SARM1: variants seen among roughly 807,000 people sequenced by gnomAD.
SARM1 encodes the protein NAD(+) hydrolase SARM1.
Under a neutral mutation model 65.1 loss-of-function variants are expected in SARM1, and 60 were observed. That is an observed-to-expected ratio of 0.92 (90% CI 0.75 to 1.14). SARM1 has a LOEUF of 1.14. Among genes scored for constraint, SARM1 ranks in the 50% most tolerant of loss-of-function variants. The pLI is 0.00. For missense variants in SARM1, 913 were observed against 1,015.7 expected (o/e 0.90, Z 1.37); for synonymous variants, 417 against 465.4 (o/e 0.90, Z 1.34).
At chr17:28,394,581 G>A (rs1237590953) in intron 7 of SARM1, among the ~76,000 whole-genome samples, 4 of 152,156 alleles carry the variant, frequency 2.6e-5, no homozygotes, top group African/African-American at 7.2e-5. Flanking sequence ...CTACAAATTC[G>A]GGGGTGCCCA....
rs542242144 is a variant in SARM1 at position 28,384,604 on chromosome 17, G to A, written c.1302+35G>A. On this transcript the variant is annotated intron_variant, in intron 3 of 8. Transcript: ENST00000585482. This position sits in a 1 kb window ranked among gnomAD's most constrained non-coding sequence, Gnocchi z 4.4. Reference sequence around the variant, plus strand: ...CGTGGGATACGCCTCCCCCGAGTCAGAGCGGGCGCCCTGTGCACAGGGACT... The same window carrying A: ...CGTGGGATACGCCTCCCCCGAGTCAAAGCGGGCGCCCTGTGCACAGGGACT... 2.6e-6 allele frequency: 4 copies of A among 1,536,200 alleles called. No homozygotes were observed. The South Asian group carries it at 4.8e-5, about 19-fold the overall frequency.
chr17:28,394,658 A>G (rs1307853718), intron 7 of SARM1: 1 of 152,246 alleles, frequency 6.6e-6, no homozygotes, highest in Non-Finnish European at 1.5e-5. Context: ...ACTTACTATT[A>G]GTTGTTTATT....
intron 7 of SARM1, among the ~76,000 whole-genome samples, chr17:28,393,656 T>C (rs2068093037): frequency 6.6e-6 from 1 of 152,200 alleles, no homozygotes; most frequent in Non-Finnish European, 1.5e-5. Context: ...AGAGACTCAG[T>C]GCAAACCCCG....
chr17:28,382,359 A>G (rs1555585406), intron 2 of SARM1, among the ~76,000 whole-genome samples: 1 of 152,172 alleles, frequency 6.6e-6, no homozygotes, highest in African/African-American at 2.4e-5. Context: ...CTTCTGCAGG[A>G]CATATGGAGT....
rs2068140176 is a variant in SARM1, at chr17:28,397,416, C to T, written c.*1130C>T. ...GCACGAAGCCCTCACAAATCTTTGC[C>T]ATTTCCCAAACACTCCGCTCCATGG... On this transcript the variant is annotated 3_prime_UTR_variant, in exon 9 of 9. Transcript: ENST00000585482. 1 of 152,178 alleles carries T rather than the reference C, an allele frequency of 6.6e-6. No homozygotes were observed. The highest frequency in any genetic ancestry group is 6.6e-5 in the Admixed American group (1 of 15,258). 9.4% of individuals were successfully genotyped at this position (152,178 alleles called of 1,614,324 possible). A position where few individuals can be genotyped will look rare whatever the true frequency, so the allele number is the denominator to read the frequency against.
rs1393544170 is a variant in SARM1 at position 28,402,058 on chromosome 17, G to T, written c.*5772G>T. The T allele has an allele frequency of 1.1e-5, 6 of 547,608 alleles. No individual in the cohort carries two copies. Among genetic ancestry groups the T allele is most frequent in the Admixed American group, 3.1e-5 (1 of 32,264 alleles). 33.9% of individuals were successfully genotyped at this position (547,608 alleles called of 1,614,324 possible). ...CCAACTCTGCGGTTTGAAAATCCAA[G>T]GTGGCATGATCCTCTGCCCATTGTG... On this transcript the variant is annotated 3_prime_UTR_variant, in exon 9 of 9. Transcript: ENST00000585482.
intron 2 of SARM1, among the ~76,000 whole-genome samples, chr17:28,382,560 G>T (rs1417022382): frequency 6.6e-6 from 1 of 152,152 alleles, no homozygotes; most frequent in Non-Finnish European, 1.5e-5. Flanking sequence ...AGTGACCTTT[G>T]CCCACTGCTT....
Position 28,381,208 on chromosome 17 carries a change from G to A in SARM1, c.476G>A (p.Arg159His), listed in dbSNP as rs538784770. 3.1e-6 allele frequency: 5 copies of A among 1,596,546 alleles called. No individual in the cohort carries two copies. Among genetic ancestry groups the A allele is most frequent in the African/African-American group, 1.3e-5 (1 of 74,356 alleles). ...CTTCCACTTTCACTGGGCAGAGACC[G>A]CGTGGCGCGCATTGGGCTGGGCGTG... ...EQILVAENRD[R>H]VARIGLGVIL... The change falls in exon 2 of 9, where the codon CGC becomes CAC. Residue 159 changes from arginine to histidine, a missense_variant. By Grantham distance (29) the Arg-to-His change is conservative (BLOSUM62 0). This residue lies in a region of SARM1 where 862 missense variants were observed against 952.1 expected (regional missense o/e 0.91). Coordinates refer to ENST00000585482, the MANE Select transcript of SARM1 (RefSeq NM_015077.4).
Position 28,388,132 on chromosome 17 carries a change from C to G in SARM1, c.1631-42C>G, listed in dbSNP as rs1335156654. 8 of 1,363,128 alleles carry G rather than the reference C, an allele frequency of 5.9e-6. No individual in the cohort carries two copies. The African/African-American group carries it at 1.0e-4, about 17-fold the overall frequency. The allele number at this position is 1,363,128 out of a possible 1,614,324, so 84.4% of individuals were successfully genotyped here. A position where few individuals can be genotyped will look rare whatever the true frequency, so the allele number is the denominator to read the frequency against. ...ATGATATACCTGACAGTGAGTGATG[C>G]GGAGGGGCCACCTTCACCATGCTGC... is the stretch of plus-strand genomic sequence containing the variant. On this transcript the variant is annotated intron_variant, in intron 5 of 8. Coordinates refer to ENST00000585482, the MANE Select transcript of SARM1 (RefSeq NM_015077.4).
chr17:28,394,959 C>T (rs1275841933), intron 7 of SARM1: 1 of 151,624 alleles, frequency 6.6e-6, no homozygotes, highest in Non-Finnish European at 1.5e-5. Flanking sequence ...GGGTGGTGAT[C>T]TAAGTGGGGA....
intron 1 of SARM1, among the ~76,000 whole-genome samples, chr17:28,374,862 A>G (rs1268241261): frequency 1.3e-5 from 2 of 148,752 alleles, no homozygotes; most frequent in Non-Finnish European, 3.0e-5. Context: ...AGTCCCAGCT[A>G]CTCAGGAGGC....
Position 28,399,903 on chromosome 17 carries a change from T to C in SARM1, c.*3617T>C. On this transcript the variant is annotated 3_prime_UTR_variant, in exon 9 of 9. Coordinates refer to ENST00000585482, the MANE Select transcript of SARM1 (RefSeq NM_015077.4). The stretch of plus-strand genomic sequence containing the variant: ...ACATGGCTCTGGAAAATAACTTTTT[T>C]TTTTTTAAGAGACAGGGTCTTGCTC... The C allele has an allele frequency of 1.7e-6, 1 of 601,616 alleles. No individual in the cohort carries two copies. Among genetic ancestry groups the C allele is most frequent in the South Asian group, 2.0e-5 (1 of 51,140 alleles). 37.3% of individuals were successfully genotyped at this position (601,616 alleles called of 1,614,324 possible).
Position 28,396,730 on chromosome 17 carries a change from G to T in SARM1, c.*444G>T. ...TCTGAGCAAGGGCCTGGGCCCAGGA[G>T]CCAGCCAGGGATGAGTGCCATCATG... On this transcript the variant is annotated 3_prime_UTR_variant, in exon 9 of 9. Coordinates refer to ENST00000585482, the MANE Select transcript of SARM1 (RefSeq NM_015077.4). The T allele has an allele frequency of 5.8e-6, 1 of 173,242 alleles. No individual in the cohort carries two copies. The highest frequency in any genetic ancestry group is 1.2e-5 in the Non-Finnish European group (1 of 81,066). 10.7% of individuals were successfully genotyped at this position (173,242 alleles called of 1,614,324 possible). A position where few individuals can be genotyped will look rare whatever the true frequency, so the allele number is the denominator to read the frequency against.
chr17:28,382,997 T>C (rs369914412), intron 2 of SARM1, among the ~76,000 whole-genome samples: 56 of 152,364 alleles, frequency 3.7e-4, no homozygotes, highest in African/African-American at 1.3e-3. Flanking sequence ...ACCTTGTCTG[T>C]ACCCCAGCTG....
In SARM1 at chr17:28,371,979, C is replaced by A. The variant is rs1336197934; in HGVS notation, c.-54C>A. On this transcript the variant is annotated 5_prime_UTR_variant, in exon 1 of 9. Coordinates refer to ENST00000585482, the MANE Select transcript of SARM1 (RefSeq NM_015077.4). ...GTCCCTCTTTTCCCAAAACCCGGGT[C>A]TCTCCGCGTGGCCCCGCCTCCAGGC... 9.7e-6 allele frequency: 13 copies of A among 1,345,710 alleles called. No individual in the cohort carries two copies. The highest frequency in any genetic ancestry group is 3.1e-5 in the African/African-American group (2 of 64,946). The allele number at this position is 1,345,710 out of a possible 1,614,324, so 83.4% of individuals were successfully genotyped here. A position where few individuals can be genotyped will look rare whatever the true frequency, so the allele number is the denominator to read the frequency against.
intron 7 of SARM1, among the ~76,000 whole-genome samples, chr17:28,391,223 T>C (rs1363594123): frequency 6.6e-6 from 1 of 152,148 alleles, no homozygotes; most frequent in Non-Finnish European, 1.5e-5. Context: ...AAAGTTTTGT[T>C]AGTTTGGTTG....
rs782214837 is a variant in SARM1, at chr17:28,381,195, C to G, written c.471-8C>G. On this transcript the variant is annotated splice_region_variant and splice_polypyrimidine_tract_variant and intron_variant, in intron 1 of 8. Transcript: ENST00000585482. ...ATTCCACTGTCCCCTTCCACTTTCA[C>G]TGGGCAGAGACCGCGTGGCGCGCAT... 1 of 1,580,548 alleles carries G rather than the reference C, an allele frequency of 6.3e-7. No homozygotes were observed. Among genetic ancestry groups the G allele is most frequent in the South Asian group, 1.2e-5 (1 of 84,706 alleles).
At position 28,384,874 on chromosome 17, in the gene SARM1, C is replaced by G; in HGVS notation, c.1338C>G (p.Leu446=). 6.4e-7 allele frequency: 1 copy of G among 1,558,256 alleles called. No individual in the cohort carries two copies. Among genetic ancestry groups the G allele is most frequent in the East Asian group, 2.4e-5 (1 of 41,246 alleles). ...TGGATGGCGACCTGCTTCTGCGGCT[C>G]ACGGAGGAGGAACTCCAGACCGACC... ...QQVDGDLLLR[L]TEEELQTDLG... is the part of the protein sequence containing the mutation. The change falls in exon 4 of 9, where the codon CTC becomes CTG. Residue 446 remains leucine, a synonymous_variant. Coordinates refer to ENST00000585482, the MANE Select transcript of SARM1 (RefSeq NM_015077.4). This position sits in a 1 kb window ranked among gnomAD's most constrained non-coding sequence, Gnocchi z 4.4.
chr17:28,380,296 G>C (rs2068015095), intron 1 of SARM1, among the ~76,000 whole-genome samples: 1 of 152,024 alleles, frequency 6.6e-6, no homozygotes. Context: ...AAACACGTCA[G>C]CTCCTCTGCC....
Sources: allele counts gnomAD v4.1 joint callset (sites outside exome capture counted in the v4.1 genomes callset), GRCh38; gene constraint gnomAD v4.1.1; regional missense constraint gnomAD v4.1.1; non-coding constraint Gnocchi (gnomAD v3.1); transcripts MANE v1.5; gene names NCBI Gene and HGNC (gene_info 2026-07-23, HGNC 2026-07-21).